CDK6: variants seen among roughly 807,000 people sequenced by gnomAD.
The protein encoded by CDK6 is cyclin-dependent kinase 6.
In CDK6, 6 loss-of-function variants were observed where a neutral mutation model predicts 37.1. The observed-to-expected ratio is 0.16, with a 90% CI of 0.09 to 0.32. CDK6 has a LOEUF of 0.32. Ranked by LOEUF, CDK6 falls within the 10% of genes least tolerant of loss-of-function variation. The probability of loss-of-function intolerance (pLI) is 1.00; values close to 1 mark genes in which losing one functional copy is unlikely to be tolerated. For missense variants in CDK6, 224 were observed against 418.9 expected, an observed-to-expected ratio of 0.53 and a Z score of 4.06; for synonymous variants, 160 against 161.3, an observed-to-expected ratio of 0.99 and a Z score of 0.06.
At chr7:92,666,100 C>T (rs1796950285) in intron 5 of CDK6, among the ~76,000 whole-genome samples, 1 of 152,190 alleles carries the variant, frequency 6.6e-6, no homozygotes, top group Non-Finnish European at 1.5e-5. Flanking sequence ...GGATGGTGAG[C>T]CTCGCTGACA....
At chr7:92,785,334 T>C (rs1205246815) in intron 2 of CDK6, among the ~76,000 whole-genome samples, 2 of 152,136 alleles carry the variant, frequency 1.3e-5, no homozygotes, top group East Asian at 3.8e-4. Flanking sequence ...TCAGAGCAGG[T>C]AGATCTATAG....
At chr7:92,790,053 A>C (rs1159055052) in intron 2 of CDK6, among the ~76,000 whole-genome samples, 1 of 152,116 alleles carries the variant, frequency 6.6e-6, no homozygotes, top group Non-Finnish European at 1.5e-5. Flanking sequence ...GAGGTTGGTA[A>C]ATCTCCAACT....
intron 3 of CDK6, among the ~76,000 whole-genome samples, chr7:92,745,305 T>G (rs568490709): frequency 1.4e-3 from 218 of 152,354 alleles, no homozygotes; most frequent in South Asian, 8.7e-3. Flanking sequence ...TTCAGAGTCC[T>G]GCTCTTTCAC....
intron 5 of CDK6, among the ~76,000 whole-genome samples, chr7:92,634,664 TA>T (rs1218073844): frequency 2.0e-5 from 3 of 152,210 alleles, no homozygotes; most frequent in Admixed American, 6.5e-5. Flanking sequence ...AATATCTTTC[TA>T]ATAATCAAAT....
Position 92,614,770 on chromosome 7 carries a change from C to A in CDK6, c.*370G>T, listed in dbSNP as rs1361966515. 6.5e-6 allele frequency: 2 copies of A among 306,350 alleles called. No homozygotes were observed. The highest frequency in any genetic ancestry group is 2.1e-5 in the African/African-American group (1 of 48,356). 19.0% of individuals were successfully genotyped at this position (306,350 alleles called of 1,614,324 possible). On this transcript the variant is annotated 3_prime_UTR_variant, in exon 8 of 8. Coordinates refer to ENST00000424848, the MANE Select transcript of CDK6 (RefSeq NM_001145306.2). Reference sequence around the variant, plus strand: ...AAAAGTACCAAATCAGGCCCGGCAGCTGCAGAGAGATTACATCATAACTCA... The same window carrying A: ...AAAAGTACCAAATCAGGCCCGGCAGATGCAGAGAGATTACATCATAACTCA...
chr7:92,733,326 T>C (rs982679853), intron 3 of CDK6, among the ~76,000 whole-genome samples: 1 of 152,202 alleles, frequency 6.6e-6, no homozygotes, highest in Non-Finnish European at 1.5e-5. Context: ...CCATGGCTCA[T>C]CCTGTTTACC....
chr7:92,621,686 T>A (rs1795807873), intron 6 of CDK6, among the ~76,000 whole-genome samples: 1 of 152,150 alleles, frequency 6.6e-6, no homozygotes, highest in South Asian at 2.1e-4. Flanking sequence ...GTTCATCGAG[T>A]GATTAAATAA....
chr7:92,806,891 A>C (rs1800739707), intron 2 of CDK6, among the ~76,000 whole-genome samples: 1 of 152,180 alleles, frequency 6.6e-6, no homozygotes, highest in South Asian at 2.1e-4. Flanking sequence ...GATGAATGCA[A>C]GAAAAATTTA....
At chr7:92,630,681 A>G (rs779277528) in intron 5 of CDK6, among the ~76,000 whole-genome samples, 1 of 152,078 alleles carries the variant, frequency 6.6e-6, no homozygotes, top group Non-Finnish European at 1.5e-5. Context: ...CAGGCTCAAC[A>G]CTCCGGGGAA....
At chr7:92,719,377 A>T (rs1487558410) in intron 4 of CDK6, among the ~76,000 whole-genome samples, 2 of 152,222 alleles carry the variant, frequency 1.3e-5, no homozygotes, top group South Asian at 2.1e-4. Context: ...TTAAAAAAAA[A>T]TTTCCAAAAT....
intron 2 of CDK6, among the ~76,000 whole-genome samples, chr7:92,818,848 T>C (rs914092192): frequency 2.0e-5 from 3 of 151,960 alleles, no homozygotes; most frequent in African/African-American, 7.2e-5. Flanking sequence ...ATCAAGTAAA[T>C]GCAAATTAAA....
intron 2 of CDK6, among the ~76,000 whole-genome samples, chr7:92,808,764 T>C (rs1800792192): frequency 1.3e-5 from 2 of 152,148 alleles, no homozygotes; most frequent in Admixed American, 6.6e-5. Context: ...GCTGGGAGGA[T>C]AGTCAAATAA....
chr7:92,739,108 C>T (rs1798858684), intron 3 of CDK6, among the ~76,000 whole-genome samples: 1 of 152,170 alleles, frequency 6.6e-6, no homozygotes, highest in African/African-American at 2.4e-5. Context: ...CTCTAGTAAG[C>T]TCCCTTTGCT....
At chr7:92,815,658 T>C (rs1201081415) in intron 2 of CDK6, among the ~76,000 whole-genome samples, 4 of 152,122 alleles carry the variant, frequency 2.6e-5, no homozygotes, top group South Asian at 2.1e-4. Flanking sequence ...GTAAATTCTG[T>C]AGTCTTGCCC....
chr7:92,667,279 T>C (rs1379363156), intron 5 of CDK6, among the ~76,000 whole-genome samples: 1 of 152,172 alleles, frequency 6.6e-6, no homozygotes, highest in Non-Finnish European at 1.5e-5. Context: ...CTCACTGTCA[T>C]CTTGAACTCC....
intron 2 of CDK6, among the ~76,000 whole-genome samples, chr7:92,824,365 AAAAG>A (rs1331885892): frequency 2.6e-5 from 4 of 152,264 alleles, no homozygotes; most frequent in Admixed American, 6.5e-5. Context: ...ATTAAAAAAT[AAAAG>A]AAAGAAAGAA....
chr7:92,698,942 TA>T (rs1797780183), intron 4 of CDK6, among the ~76,000 whole-genome samples: 1 of 152,232 alleles, frequency 6.6e-6, no homozygotes. Context: ...CTTTTTCCTA[TA>T]TGGGCTCTGG....
rs1358886441 is a variant in CDK6 at position 92,775,145 on chromosome 7, G to C, written c.234-314C>G. Among the ~76,000 whole-genome samples the C allele has an allele frequency of 3.3e-5, 5 of 152,246 alleles. No homozygotes were observed. The South Asian group carries it at 1.0e-3, about 32-fold the overall frequency. On this transcript the variant is annotated intron_variant, in intron 2 of 7. Transcript: ENST00000424848. ...GGACCTTAGATAGAACTTGCCAATG[G>C]GGATAATTTCAAAAACTTGATGTCT...
intron 4 of CDK6, among the ~76,000 whole-genome samples, chr7:92,672,202 C>CACACACAGACACAT (rs1797100738): frequency 2.4e-5 from 3 of 124,220 alleles, no homozygotes; most frequent in Non-Finnish European, 5.0e-5. Context: ...CACACACACA[C>CACACACAGACACAT]ACACACACAC....
Sources: gnomAD v4.1 joint callset for allele counts (sites outside exome capture counted in the v4.1 genomes callset) on GRCh38, gnomAD v4.1.1 for gene constraint, MANE v1.5 for transcripts, NCBI Gene and HGNC (gene_info 2026-07-23, HGNC 2026-07-21) for gene names.